ING5: variants seen among roughly 807,000 people sequenced by gnomAD.
ING5 encodes the protein inhibitor of growth protein 5.
ING5 carries 17 observed loss-of-function variants against 37.4 expected under a neutral mutation model. The ratio of observed to expected loss-of-function variants is 0.45; its 90% CI spans 0.31 to 0.68. ING5 has a LOEUF of 0.68. Among genes scored for constraint, ING5 ranks in the 30% least tolerant of loss-of-function variants. The probability of loss-of-function intolerance (pLI) is 0.05; values close to 1 mark genes in which losing one functional copy is unlikely to be tolerated. For synonymous variants in ING5, 123 were observed against 116.6 expected (o/e 1.06, Z -0.36); for missense variants, 233 against 311.9 (o/e 0.75, Z 1.91).
intron 5 of ING5, among the ~76,000 whole-genome samples, chr2:241,717,644 C>T (rs1343104089): frequency 1.4e-5 from 2 of 147,700 alleles, no homozygotes; most frequent in African/African-American, 5.0e-5. Context: ...TTTCTTCTGT[C>T]TTTCATTGAT....
In ING5 at chr2:241,727,812, G is replaced by A. The variant is rs2124964256; in HGVS notation, c.*2781G>A. 6.6e-6 allele frequency: 1 copy of A among 152,336 alleles called. No homozygotes were observed. Among genetic ancestry groups the A allele is most frequent in the East Asian group, 1.9e-4 (1 of 5,184 alleles). The allele number at this position is 152,336 out of a possible 1,614,324, so 9.4% of individuals were successfully genotyped here. A position where few individuals can be genotyped will look rare whatever the true frequency, so the allele number is the denominator to read the frequency against. On this transcript the variant is annotated 3_prime_UTR_variant, in exon 8 of 8. Coordinates refer to ENST00000313552, the MANE Select transcript of ING5 (RefSeq NM_032329.6). ...GTGGCTACCCCTGGAAAGCGCTGGG[G>A]TTGTTGATGCTTTTGGCTGCCCGGC...
chr2:241,723,838 C>T, intron 7 of ING5: 1 of 1,570,674 alleles, frequency 6.4e-7, no homozygotes, highest in Non-Finnish European at 8.7e-7. Context: ...CGGGAGACCC[C>T]AACTCTACAA....
At chr2:241,724,668 A>G in intron 7 of ING5, 1 of 415,404 alleles carries the variant, frequency 2.4e-6, no homozygotes, top group Admixed American at 3.8e-5. Context: ...GCCCCCACAG[A>G]CTGCAGACAG....
chr2:241,724,972 C>G lies in ING5; in HGVS notation c.681-17C>G. 6.2e-7 allele frequency: 1 copy of G among 1,613,846 alleles called. No homozygotes were observed. Among genetic ancestry groups the G allele is most frequent in the Non-Finnish European group, 8.5e-7 (1 of 1,179,798 alleles). Reference sequence around the variant, plus strand: ...GGAAATGGCGCCCAGGGCCTCACTGCGCCTTTCTTGTCACAGGTTCTGTCC... The same window carrying G: ...GGAAATGGCGCCCAGGGCCTCACTGGGCCTTTCTTGTCACAGGTTCTGTCC... On this transcript the variant is annotated splice_polypyrimidine_tract_variant and intron_variant, in intron 7 of 7. Coordinates refer to ENST00000313552, the MANE Select transcript of ING5 (RefSeq NM_032329.6).
At chr2:241,723,768 C>T (rs767231755) in intron 7 of ING5, 4 of 1,598,338 alleles carry the variant, frequency 2.5e-6, no homozygotes, top group Non-Finnish European at 3.4e-6. Context: ...GCAATGGCAA[C>T]TTTCTGCATT....
intron 5 of ING5, among the ~76,000 whole-genome samples, chr2:241,713,701 C>T (rs2070186599): frequency 6.6e-6 from 1 of 150,380 alleles, no homozygotes; most frequent in Non-Finnish European, 1.5e-5. Flanking sequence ...TAGTGCTTAG[C>T]CTTTTGGCCG....
upstream of ING5, among the ~76,000 whole-genome samples, chr2:241,699,893 A>G (rs1051525509): frequency 6.6e-6 from 1 of 152,200 alleles, no homozygotes; most frequent in Non-Finnish European, 1.5e-5. Flanking sequence ...GAGGAGTGAC[A>G]TGGGTACTGG....
chr2:241,709,561 T>G (rs2070041091), intron 3 of ING5, among the ~76,000 whole-genome samples, 179 bp downstream of exon 3: 1 of 149,338 alleles, frequency 6.7e-6, no homozygotes, highest in Non-Finnish European at 1.5e-5. Flanking sequence ...CCCTGTTTTT[T>G]TTTTTTTTTT....
chr2:241,711,557 G>A (rs745689716), intron 4 of ING5, 69 bp downstream of exon 4: 6 of 1,124,602 alleles, frequency 5.3e-6, no homozygotes, highest in East Asian at 4.9e-5. Context: ...GTTTTGTCAC[G>A]GTAAATCATT....
At chr2:241,719,654 G>T (rs915907044) in intron 5 of ING5, 84 of 1,534,834 alleles carry the variant, frequency 5.5e-5, no homozygotes, top group Non-Finnish European at 7.0e-5. Context: ...GGGTCCTCGT[G>T]GGGGTGAAGG....
At chr2:241,714,277 C>T (rs929037130) in intron 5 of ING5, among the ~76,000 whole-genome samples, 14 of 152,014 alleles carry the variant, frequency 9.2e-5, no homozygotes, top group African/African-American at 2.9e-4. Flanking sequence ...ATAGTTTAGT[C>T]CTGTTGTTTT....
chr2:241,713,345 A>ACTGCCCCGGCCCC (rs1298387689), intron 5 of ING5, among the ~76,000 whole-genome samples: 1 of 146,714 alleles, frequency 6.8e-6, no homozygotes, highest in African/African-American at 2.5e-5. Flanking sequence ...GGCATGAGCC[A>ACTGCCCCGGCCCC]TCACACCCGA....
intron 7 of ING5, chr2:241,723,851 A>G: frequency 6.4e-7 from 1 of 1,552,162 alleles, no homozygotes; most frequent in Non-Finnish European, 8.8e-7. Context: ...CTCTACAAAA[A>G]ATACAAAAAT....
chr2:241,708,573 G>C, intron 2 of ING5, among the ~76,000 whole-genome samples: 1 of 152,180 alleles, frequency 6.6e-6, no homozygotes, highest in South Asian at 2.1e-4. Flanking sequence ...CATATTAATG[G>C]AATCATCCAG....
intron 5 of ING5, among the ~76,000 whole-genome samples, chr2:241,715,335 C>T (rs188931567): frequency 1.1e-4 from 17 of 152,120 alleles, no homozygotes; most frequent in African/African-American, 4.1e-4. Flanking sequence ...GCTGGGACCA[C>T]AAGTGCATGC....
intron 5 of ING5, among the ~76,000 whole-genome samples, chr2:241,713,894 G>A (rs1465694441): frequency 2.6e-5 from 4 of 151,812 alleles, no homozygotes; most frequent in South Asian, 2.1e-4. Flanking sequence ...GGAGGCTGAC[G>A]CAGGGAGATT....
chr2:241,724,888 G>A (rs1559315768), intron 7 of ING5, 101 bp from the exon 8 acceptor site: 6 of 1,264,164 alleles, frequency 4.7e-6, no homozygotes, highest in South Asian at 1.2e-5. Flanking sequence ...CCCTCCTGCC[G>A]GCGTCCAGCA....
intron 3 of ING5, among the ~76,000 whole-genome samples, chr2:241,710,424 T>G (rs2070072979): frequency 6.6e-6 from 1 of 151,912 alleles, no homozygotes; most frequent in African/African-American, 2.4e-5. Flanking sequence ...TGCCTCAGCC[T>G]CCTAAGTAGC....
At chr2:241,721,058 G>A (rs879621803) in intron 5 of ING5, 7 of 985,618 alleles carry the variant, frequency 7.1e-6, no homozygotes, top group Non-Finnish European at 7.2e-6. Context: ...ATGTCAGGTC[G>A]GGCTTTGTGG....
Sources: gnomAD v4.1 joint callset for allele counts (sites outside exome capture counted in the v4.1 genomes callset) on GRCh38, gnomAD v4.1.1 for gene constraint, MANE v1.5 for transcripts, NCBI Gene and HGNC (gene_info 2026-07-23, HGNC 2026-07-21) for gene names.